The following KHDRBS2 variants were observed in gnomAD, a reference collection of about 807,000 sequenced individuals.
KHDRBS2 encodes the protein KH domain-containing, RNA-binding, signal transduction-associated protein 2.
A neutral mutation model predicts 44.3 loss-of-function variants in KHDRBS2; 26 were observed. That is an observed-to-expected ratio of 0.59 (90% CI 0.43 to 0.81). KHDRBS2 has a LOEUF of 0.81. Among genes scored for constraint, KHDRBS2 ranks in the 40% least tolerant of loss-of-function variants. KHDRBS2 has a pLI of 0.00. For missense variants in KHDRBS2, 476 were observed against 433.1 expected, an observed-to-expected ratio of 1.10 and a Z score of -0.88; for synonymous variants, 194 against 151.1, an observed-to-expected ratio of 1.28 and a Z score of -2.08.
chr6:62,077,928 A>G lies in KHDRBS2; in HGVS notation c.220-29934T>C, dbSNP rs1796655590. Among the ~76,000 whole-genome samples, 3 of 152,100 alleles carry G rather than the reference A, an allele frequency of 2.0e-5. No individual in the cohort carries two copies. In the South Asian group the frequency reaches 6.2e-4, roughly 31 times the overall value. On this transcript the variant is annotated intron_variant, in intron 2 of 8. Transcript: ENST00000281156. ...CATAGCATCTCCTCTGATTTAAAAA[A>G]TCCATTAAGAAATACAATGTTTGTC...
At chr6:61,757,197 T>G (rs1350084432) in intron 6 of KHDRBS2, among the ~76,000 whole-genome samples, 2 of 152,140 alleles carry the variant, frequency 1.3e-5, no homozygotes, top group African/African-American at 4.8e-5. Context: ...GGTAGTATTG[T>G]TCAAGTTTTC....
At chr6:61,715,727 A>G (rs1233810937) in intron 7 of KHDRBS2, among the ~76,000 whole-genome samples, 1 of 151,746 alleles carries the variant, frequency 6.6e-6, no homozygotes, top group African/African-American at 2.4e-5. Context: ...AATTGTTTAC[A>G]AATAGTCCTC....
At chr6:62,098,869 T>C (rs1801233453) in intron 2 of KHDRBS2, among the ~76,000 whole-genome samples, 1 of 152,192 alleles carries the variant, frequency 6.6e-6, no homozygotes, top group East Asian at 1.9e-4. Context: ...TCAAATAGTC[T>C]GTCTTTGGGC....
At chr6:62,027,631 G>A (rs1407564172) in intron 3 of KHDRBS2, among the ~76,000 whole-genome samples, 1 of 152,060 alleles carries the variant, frequency 6.6e-6, no homozygotes, top group East Asian at 1.9e-4. Context: ...AGGAGTGGGA[G>A]GGGCAAGGGT....
At chr6:61,785,377 A>C (rs1350527248) in intron 6 of KHDRBS2, among the ~76,000 whole-genome samples, 1 of 152,166 alleles carries the variant, frequency 6.6e-6, no homozygotes, top group Admixed American at 6.6e-5. Flanking sequence ...TAAGAGTATA[A>C]ATTTGTATAA....
intron 2 of KHDRBS2, among the ~76,000 whole-genome samples, chr6:62,123,566 A>G (rs989077441): frequency 1.1e-4 from 16 of 152,216 alleles, no homozygotes; most frequent in African/African-American, 3.9e-4. Flanking sequence ...TGTTTTGTAA[A>G]TGGTATAGCC....
At chr6:61,556,060 C>A in the KHDRBS2 span, among the ~76,000 whole-genome samples, 1 of 152,132 alleles carries the variant, frequency 6.6e-6, no homozygotes, top group East Asian at 1.9e-4. Flanking sequence ...CACTGGTGGG[C>A]CTAGGGCTGC....
intron 4 of KHDRBS2, among the ~76,000 whole-genome samples, chr6:61,926,294 AG>A (rs1175273428): frequency 6.6e-6 from 1 of 152,186 alleles, no homozygotes; most frequent in African/African-American, 2.4e-5. Flanking sequence ...TGAGCTTAGA[AG>A]GGAAAGGGAA....
intron 1 of KHDRBS2, among the ~76,000 whole-genome samples, chr6:62,233,935 T>A (rs1833289729): frequency 6.6e-6 from 1 of 152,158 alleles, no homozygotes; most frequent in African/African-American, 2.4e-5. Flanking sequence ...TGAATAGTGC[T>A]ACAAGGAACA....
intron 7 of KHDRBS2, among the ~76,000 whole-genome samples, chr6:61,728,472 T>A (rs994895767): frequency 1.3e-5 from 2 of 152,086 alleles, no homozygotes; most frequent in Non-Finnish European, 2.9e-5. Flanking sequence ...AAAAAAGATT[T>A]AGCTACAAAG....
At chr6:62,051,027 T>C (rs2127312181) in intron 2 of KHDRBS2, among the ~76,000 whole-genome samples, 1 of 152,182 alleles carries the variant, frequency 6.6e-6, no homozygotes, top group Non-Finnish European at 1.5e-5. Context: ...TTATGTTAGG[T>C]TCCACTATTA....
chr6:62,260,075 G>A (rs889309902), intron 1 of KHDRBS2, among the ~76,000 whole-genome samples: 1 of 151,826 alleles, frequency 6.6e-6, no homozygotes, highest in Non-Finnish European at 1.5e-5. Context: ...TCAGAGCTGG[G>A]GTCCAAGCTG....
intron 4 of KHDRBS2, among the ~76,000 whole-genome samples, chr6:61,961,149 ATAG>A (rs1166051905): frequency 6.6e-6 from 1 of 152,120 alleles, no homozygotes; most frequent in Non-Finnish European, 1.5e-5. Context: ...TGTTGCAACA[ATAG>A]CTTTACAATA....
intron 4 of KHDRBS2, among the ~76,000 whole-genome samples, chr6:61,962,075 A>C (rs1443508367): frequency 1.3e-5 from 2 of 152,128 alleles, no homozygotes; most frequent in South Asian, 2.1e-4. Flanking sequence ...TGATGCTCTA[A>C]AGGCAAGTAT....
At chr6:62,048,914 C>T (rs140552424) in intron 2 of KHDRBS2, among the ~76,000 whole-genome samples, 3 of 151,942 alleles carry the variant, frequency 2.0e-5, no homozygotes, top group South Asian at 2.1e-4. Flanking sequence ...AGTAAAATTG[C>T]TTTCTATATC....
At chr6:61,972,426 G>C (rs1204509555) in intron 4 of KHDRBS2, among the ~76,000 whole-genome samples, 4 of 152,088 alleles carry the variant, frequency 2.6e-5, no homozygotes, top group Non-Finnish European at 5.9e-5. Context: ...TAGCACTATA[G>C]CAATACAGGA....
chr6:62,104,870 T>A lies in KHDRBS2; in HGVS notation c.220-56876A>T, dbSNP rs1437888648. On this transcript the variant is annotated intron_variant, in intron 2 of 8. Transcript: ENST00000281156. ...ACACAACAGTAGTTCTTAGAGAAGA[T>A]CAATAAAATTTATAAGCCTTCTGTG... Among the ~76,000 whole-genome samples, 4 of 151,952 alleles carry A rather than the reference T, an allele frequency of 2.6e-5. No homozygotes were observed. In the South Asian group the frequency reaches 6.2e-4, roughly 24 times the overall value.
chr6:62,212,305 T>C (rs1447847337), intron 1 of KHDRBS2, among the ~76,000 whole-genome samples: 2 of 151,990 alleles, frequency 1.3e-5, no homozygotes, highest in Admixed American at 6.6e-5. Flanking sequence ...ATACCATATA[T>C]GTATATACAT....
At chr6:61,873,983 A>T (rs1222631255) in intron 6 of KHDRBS2, among the ~76,000 whole-genome samples, 1 of 151,384 alleles carries the variant, frequency 6.6e-6, no homozygotes, top group Non-Finnish European at 1.5e-5. Context: ...CTTTATGAAT[A>T]TTTTATGAAT....
Sources: gnomAD v4.1 joint callset for allele counts (sites outside exome capture counted in the v4.1 genomes callset) on GRCh38, gnomAD v4.1.1 for gene constraint, MANE v1.5 for transcripts, NCBI Gene and HGNC (gene_info 2026-07-23, HGNC 2026-07-21) for gene names.